MYO9A: variants seen among roughly 807,000 people sequenced by gnomAD.
MYO9A encodes unconventional myosin-IXa.
MYO9A carries 103 observed loss-of-function variants against 293.3 expected under a neutral mutation model. That is an observed-to-expected ratio of 0.35 (90% CI 0.30 to 0.41). MYO9A has a LOEUF of 0.41. Among genes scored for constraint, MYO9A ranks in the 10% least tolerant of loss-of-function variants. The probability of loss-of-function intolerance (pLI) is 1.00; values close to 1 mark genes in which losing one functional copy is unlikely to be tolerated. For synonymous variants in MYO9A, 1,001 were observed against 1,035.7 expected (o/e 0.97, Z 0.64); for missense variants, 2,685 against 3,033.0 (o/e 0.89, Z 2.69).
rs963652229 is a variant in MYO9A at position 71,824,953 on chromosome 15, T to G, written c.*1627A>C. On this transcript the variant is annotated 3_prime_UTR_variant, in exon 42 of 42. Transcript: ENST00000356056. ...TCTGCCTTAACAAAAGACTTAATATTTCCACAACTTCAAAGAAGTATGAAA... is the reference window on the plus strand; with the variant it reads ...TCTGCCTTAACAAAAGACTTAATATGTCCACAACTTCAAAGAAGTATGAAA... 6.6e-6 allele frequency: 1 copy of G among 151,476 alleles called. No individual in the cohort carries two copies. The highest frequency in any genetic ancestry group is 1.5e-5 in the Non-Finnish European group (1 of 67,944). 9.4% of individuals were successfully genotyped at this position (151,476 alleles called of 1,614,324 possible). A position where few individuals can be genotyped will look rare whatever the true frequency, so the allele number is the denominator to read the frequency against.
chr15:71,930,282 T>C (rs968789736), intron 18 of MYO9A, among the ~76,000 whole-genome samples: 5 of 152,160 alleles, frequency 3.3e-5, no homozygotes, highest in African/African-American at 1.2e-4. Flanking sequence ...GGTCTGTTCA[T>C]TGTTGAAAGT....
At position 71,910,869 on chromosome 15, in the gene MYO9A, T is replaced by C. The variant is rs554878832; in HGVS notation, c.2685+5501A>G. Among the ~76,000 whole-genome samples the C allele has an allele frequency of 3.5e-4, 53 of 152,326 alleles. No individual in the cohort carries two copies. The East Asian group carries it at 9.3e-3, about 27-fold the overall frequency. The stretch of plus-strand genomic sequence containing the variant: ...TCTTCATATTATACAAGTCCTTTTT[T>C]AGTCTTGCTCTTTTTCTTCTTTTAA... On this transcript the variant is annotated intron_variant, in intron 19 of 41. Transcript: ENST00000356056.
At chr15:72,000,978 C>T (rs1030434703) in intron 8 of MYO9A, among the ~76,000 whole-genome samples, 5 of 152,126 alleles carry the variant, frequency 3.3e-5, no homozygotes, top group African/African-American at 1.2e-4. Flanking sequence ...CTGTGAAGAA[C>T]AAACCTAAAA....
At chr15:71,906,763 T>TTC (rs2057663546) in intron 19 of MYO9A, among the ~76,000 whole-genome samples, 5 of 113,738 alleles carry the variant, frequency 4.4e-5, no homozygotes, top group African/African-American at 6.9e-5. Context: ...TCTTTCTTTT[T>TTC]TTTTTTTTTT....
intron 1 of MYO9A, chr15:72,116,979 G>A (rs1205620037): frequency 6.6e-6 from 1 of 152,148 alleles, no homozygotes; most frequent in African/African-American, 2.4e-5. Context: ...GAATACATTA[G>A]GCTAAGCAAA....
intron 11 of MYO9A, among the ~76,000 whole-genome samples, chr15:71,988,235 A>G (rs1412105757): frequency 6.6e-6 from 1 of 152,212 alleles, no homozygotes; most frequent in Non-Finnish European, 1.5e-5. Flanking sequence ...TGCAAGAGAT[A>G]AAGAATATTA....
chr15:72,089,157 GGTTTTT>G (rs531887790), intron 1 of MYO9A, among the ~76,000 whole-genome samples: 43 of 152,116 alleles, frequency 2.8e-4, no homozygotes, highest in African/African-American at 7.5e-4. Flanking sequence ...GAAAAATAAT[GGTTTTT>G]GTTTTTGTTT....
intron 8 of MYO9A, among the ~76,000 whole-genome samples, chr15:72,005,740 A>G (rs1017596251): frequency 6.6e-6 from 1 of 152,220 alleles, no homozygotes; most frequent in African/African-American, 2.4e-5. Context: ...AGAGGTATCT[A>G]TTGCTCTCAA....
Position 71,903,980 on chromosome 15 carries a change from C to T in MYO9A, c.2826G>A (p.Leu942=), listed in dbSNP as rs1246697730. The change falls in exon 21 of 42, where the codon CTG becomes CTA. Residue 942 remains leucine (L), a synonymous_variant. Transcript: ENST00000356056. ...CTGATTGGCGAATTCGAACTGTTTC[C>T]AGCATCCCGGTGTATCGAAGCTGTC... is the stretch of plus-strand genomic sequence containing the variant. ...VLRQLRYTGM[L]ETVRIRQSGY... 1 of 1,613,950 alleles carries T rather than the reference C, an allele frequency of 6.2e-7. No individual in the cohort carries two copies. Among genetic ancestry groups the T allele is most frequent in the Non-Finnish European group, 8.5e-7 (1 of 1,179,996 alleles).
At chr15:71,976,275 T>G (rs932084002) in intron 12 of MYO9A, among the ~76,000 whole-genome samples, 1 of 152,034 alleles carries the variant, frequency 6.6e-6, no homozygotes, top group Non-Finnish European at 1.5e-5. Context: ...GGTGTTAGAG[T>G]AAAGGAAAAA....
At chr15:72,097,332 C>G (rs2080096025) in intron 1 of MYO9A, among the ~76,000 whole-genome samples, 1 of 152,196 alleles carries the variant, frequency 6.6e-6, no homozygotes, top group Non-Finnish European at 1.5e-5. Context: ...AGAACCTCCA[C>G]CAGCAAAAAG....
chr15:71,883,653 G>A lies in MYO9A; in HGVS notation c.5339C>T (p.Ser1780Leu). 5 of 1,613,494 alleles carry A rather than the reference G, an allele frequency of 3.1e-6. No individual in the cohort carries two copies. Among genetic ancestry groups the A allele is most frequent in the Non-Finnish European group, 3.4e-6 (4 of 1,179,646 alleles). The change falls in exon 28 of 42, where the codon TCA (serine) becomes TTA (leucine). Residue 1780 changes from serine to leucine, a missense_variant. Ser to Leu is a moderately radical substitution (Grantham distance 145). Around this residue, in one of 10 missense-constraint regions of MYO9A, gnomAD observed 1,434 missense variants for 1,497.7 expected, o/e 0.96. Transcript: ENST00000356056. ...GCCTGCAAAGAGTGGCGAAACCTCT[G>A]ACTGGGTAGTAGGTTTCACTCTGGT... ...KTTRVKPTTQSEVSPLFAGTD... is the reference protein window; with the variant it reads ...KTTRVKPTTQLEVSPLFAGTD...
intron 40 of MYO9A, 100 bp from the exon 41 acceptor site, chr15:71,828,126 A>G: frequency 1.5e-6 from 2 of 1,363,008 alleles, no homozygotes; most frequent in Non-Finnish European, 2.0e-6. Context: ...CTAAGAAGCA[A>G]AGAGAGTCCA....
At chr15:71,946,999 C>T (rs993770198) in intron 15 of MYO9A, among the ~76,000 whole-genome samples, 14 of 152,242 alleles carry the variant, frequency 9.2e-5, no homozygotes, top group Middle Eastern at 3.4e-3. Context: ...CACCTGTAGA[C>T]CTAGCTACTT....
intron 12 of MYO9A, among the ~76,000 whole-genome samples, chr15:71,975,130 G>C (rs1299806359): frequency 6.6e-6 from 1 of 152,218 alleles, no homozygotes; most frequent in Non-Finnish European, 1.5e-5. Flanking sequence ...CTGCAAACTT[G>C]AGTGGTCTCT....
At chr15:72,033,111 A>G (rs556936584) in intron 2 of MYO9A, among the ~76,000 whole-genome samples, 90 of 152,264 alleles carry the variant, frequency 5.9e-4, no homozygotes, top group Non-Finnish European at 1.2e-3. Flanking sequence ...TCGGCCTCCC[A>G]AAGTGCTAGG....
intron 12 of MYO9A, among the ~76,000 whole-genome samples, chr15:71,972,942 G>GA (rs1185808239): frequency 1.3e-5 from 2 of 151,378 alleles, no homozygotes; most frequent in Admixed American, 1.3e-4. Flanking sequence ...AAACTAATAA[G>GA]AAAAAAAATG....
Position 71,899,639 on chromosome 15 carries a change from G to C in MYO9A, c.3470+48C>G, listed in dbSNP as rs559809938. The C allele has an allele frequency of 5.3e-6, 8 of 1,497,304 alleles. No individual in the cohort carries two copies. The South Asian group carries it at 7.8e-5, about 15-fold the overall frequency. The allele number at this position is 1,497,304 out of a possible 1,614,324, so 92.8% of individuals were successfully genotyped here. On this transcript the variant is annotated intron_variant, in intron 24 of 41. Coordinates refer to ENST00000356056, the MANE Select transcript of MYO9A (RefSeq NM_006901.4). Reference sequence around the variant, plus strand: ...GTGTTAATGCAGAGGTATAAACAAAGTACTTGGGAAGAAGAAAAAAAGCAA... The same window carrying C: ...GTGTTAATGCAGAGGTATAAACAAACTACTTGGGAAGAAGAAAAAAAGCAA...
chr15:72,084,583 T>C (rs1468757881), intron 1 of MYO9A, among the ~76,000 whole-genome samples: 1 of 152,190 alleles, frequency 6.6e-6, no homozygotes, highest in Non-Finnish European at 1.5e-5. Flanking sequence ...AGTACTTCAG[T>C]GTGTTTGTGT....
Sources: gnomAD v4.1 joint callset for allele counts (sites outside exome capture counted in the v4.1 genomes callset) on GRCh38, gnomAD v4.1.1 for gene constraint, gnomAD v4.1.1 regional missense constraint, MANE v1.5 for transcripts, NCBI Gene and HGNC (gene_info 2026-07-23, HGNC 2026-07-21) for gene names.